Variants in ARFGEF3 observed in about 807,000 individuals in gnomAD.
ARFGEF3 encodes ARFGEF family member 3, also known as brefeldin A-inhibited guanine nucleotide-exchange protein 3.
Under a neutral mutation model 221.7 loss-of-function variants are expected in ARFGEF3, and 96 were observed. The observed-to-expected ratio is 0.43, with a 90% confidence interval of 0.37 to 0.51. The LOEUF (loss-of-function observed/expected upper bound fraction) is 0.51, where lower values mean the gene tolerates loss of function less well. Among genes scored for constraint, ARFGEF3 ranks in the 20% least tolerant of loss-of-function variants. The pLI is 0.00. For missense variants in ARFGEF3, 2,410 were observed against 2,789.9 expected (o/e 0.86, Z 3.07); for synonymous variants, 1,145 against 1,126.8 (o/e 1.02, Z -0.32).
chr6:138,335,102 C>T lies in ARFGEF3; in HGVS notation c.6256C>T (p.Leu2086=). 6.2e-7 allele frequency: 1 copy of T among 1,601,650 alleles called. No homozygotes were observed. Among genetic ancestry groups the T allele is most frequent in the Admixed American group, 1.7e-5 (1 of 58,286 alleles). ...GCATTCCTTCAGCGCAGGCCCCGAG[C>T]TGCTGCGACAGGACAAGAGGCCCCG... ...MRHSFSAGPE[L]LRQDKRPRSG... Residue 2086 remains leucine (L), a synonymous_variant, in exon 33 of 34, where the codon CTG becomes TTG. Transcript: ENST00000251691.
At chr6:138,234,701 C>T (rs1778252308) in intron 5 of ARFGEF3, among the ~76,000 whole-genome samples, 1 of 152,090 alleles carries the variant, frequency 6.6e-6, no homozygotes, top group Non-Finnish European at 1.5e-5. Context: ...TATAGTCTTC[C>T]CTACATAGAA....
At chr6:138,332,438 T>A (rs1192221213) in intron 32 of ARFGEF3, among the ~76,000 whole-genome samples, 1 of 152,192 alleles carries the variant, frequency 6.6e-6, no homozygotes, top group Non-Finnish European at 1.5e-5. Context: ...CCCTTGAGGA[T>A]GTTATAGCTA....
At chr6:138,229,699 G>A in intron 4 of ARFGEF3, 85 bp from the exon 5 acceptor site, 1 of 998,080 alleles carries the variant, frequency 1.0e-6, no homozygotes, top group Non-Finnish European at 1.6e-6. Flanking sequence ...ATAAAAACAG[G>A]ACTGCACAAA....
rs1562377206 is a variant in ARFGEF3 at position 138,278,368 on chromosome 6, C to T, written c.2129-83C>T. 1.0e-5 allele frequency: 13 copies of T among 1,260,520 alleles called. No homozygotes were observed. In the East Asian group the frequency reaches 1.9e-4, roughly 18 times the overall value. The allele number at this position is 1,260,520 out of a possible 1,614,324, so 78.1% of individuals were successfully genotyped here. A position where few individuals can be genotyped will look rare whatever the true frequency, so the allele number is the denominator to read the frequency against. On this transcript the variant is annotated intron_variant, in intron 12 of 33. Coordinates refer to ENST00000251691, the MANE Select transcript of ARFGEF3 (RefSeq NM_020340.5). Reference sequence around the variant, plus strand: ...TATCCTATTGATGCAGTATCTCTCACGATGGGTTCGCAGCTCTCTGGAAGC... The same window carrying T: ...TATCCTATTGATGCAGTATCTCTCATGATGGGTTCGCAGCTCTCTGGAAGC...
At chr6:138,245,896 G>A (rs1187423067) in intron 8 of ARFGEF3, among the ~76,000 whole-genome samples, 1 of 152,130 alleles carries the variant, frequency 6.6e-6, no homozygotes, top group Admixed American at 6.5e-5. Flanking sequence ...CTGAGTGCTG[G>A]TTGGTATGAG....
Position 138,291,851 on chromosome 6 carries a change from C to A in ARFGEF3, c.3166C>A (p.Pro1056Thr). 2 of 1,501,960 alleles carry A rather than the reference C, an allele frequency of 1.3e-6. No individual in the cohort carries two copies. The highest frequency in any genetic ancestry group is 2.7e-5 in the East Asian group (1 of 37,406). 93.0% of individuals were successfully genotyped at this position (1,501,960 alleles called of 1,614,324 possible). Residue 1056 changes from proline (P) to threonine (T), a missense_variant, in exon 19 of 34, where the codon CCC (proline) becomes ACC (threonine). This residue lies in a region of ARFGEF3 where 184 missense variants were observed against 141.8 expected (regional missense o/e 1.30). Coordinates refer to ENST00000251691, the MANE Select transcript of ARFGEF3 (RefSeq NM_020340.5). This position sits in a 1 kb window ranked among gnomAD's most constrained non-coding sequence, Gnocchi z 4.5. ...ATGSAGLLGDPECEGSPPEHS... is the reference protein window; with the variant it reads ...ATGSAGLLGDTECEGSPPEHS... ...TGGAAGCGCTGGCCTCCTTGGGGAC[C>A]CCGAGTGTGAGGGCTCGCCCCCCGA... is the stretch of plus-strand genomic sequence containing the variant.
intron 22 of ARFGEF3, 116 bp from the exon 23 acceptor site, chr6:138,307,137 T>A (rs913987611): frequency 1.9e-6 from 2 of 1,062,740 alleles, no homozygotes; most frequent in Non-Finnish European, 2.7e-6. Flanking sequence ...TTCTGGTTTT[T>A]CCTTTTCACT....
chr6:138,264,972 C>T (rs186051521), intron 12 of ARFGEF3, among the ~76,000 whole-genome samples: 1,502 of 149,944 alleles, frequency 0.01, 32 homozygotes, highest in African/African-American at 0.034. Context: ...GGTGCAATCT[C>T]GGCTCACTGC....
intron 9 of ARFGEF3, among the ~76,000 whole-genome samples, chr6:138,254,478 T>G (rs1778639008): frequency 6.6e-6 from 1 of 150,850 alleles, no homozygotes. Context: ...TGGCTCACGC[T>G]CCCTGCACTT....
At chr6:138,288,955 AT>A (rs5880381) in intron 17 of ARFGEF3, among the ~76,000 whole-genome samples, 5 of 150,274 alleles carry the variant, frequency 3.3e-5, no homozygotes, top group Non-Finnish European at 7.4e-5. Context: ...GTCATCTACA[AT>A]TTTTTTTTTC....
chr6:138,311,721 T>G (rs879671642), intron 25 of ARFGEF3, among the ~76,000 whole-genome samples: 1 of 152,192 alleles, frequency 6.6e-6, no homozygotes, highest in Non-Finnish European at 1.5e-5. Flanking sequence ...CACAATTGGA[T>G]GCTGAGGTCT....
intron 4 of ARFGEF3, among the ~76,000 whole-genome samples, chr6:138,227,230 C>A (rs754056229): frequency 5.9e-5 from 9 of 152,114 alleles, no homozygotes; most frequent in Non-Finnish European, 1.3e-4. Context: ...CTGGGCTTCC[C>A]TGAAACACAG....
chr6:138,255,824 T>G, intron 10 of ARFGEF3, 55 bp downstream of exon 10: 1 of 1,392,862 alleles, frequency 7.2e-7, no homozygotes, highest in Non-Finnish European at 9.5e-7. Context: ...GACCAGCGTT[T>G]CGCATACAAG....
At chr6:138,235,325 T>C (rs1477599038) in intron 5 of ARFGEF3, among the ~76,000 whole-genome samples, 1 of 152,244 alleles carries the variant, frequency 6.6e-6, no homozygotes, top group African/African-American at 2.4e-5. Flanking sequence ...CTCACTGCCC[T>C]GCATCTTTGT....
chr6:138,179,243 A>T (rs1029962039), intron 2 of ARFGEF3, among the ~76,000 whole-genome samples: 1 of 152,196 alleles, frequency 6.6e-6, no homozygotes, highest in Non-Finnish European at 1.5e-5. Flanking sequence ...CAGATGAAAT[A>T]AAACTGTCAA....
At chr6:138,297,311 T>C (rs1779541839) in intron 21 of ARFGEF3, among the ~76,000 whole-genome samples, 1 of 152,226 alleles carries the variant, frequency 6.6e-6, no homozygotes, top group South Asian at 2.1e-4. Context: ...ATGTCTTTGG[T>C]TCCTACCAGT....
chr6:138,295,572 G>A (rs1417360526), intron 20 of ARFGEF3, among the ~76,000 whole-genome samples: 1 of 151,160 alleles, frequency 6.6e-6, no homozygotes, highest in Admixed American at 6.6e-5. Flanking sequence ...GGAGGTTGCA[G>A]TGAGCTGAGA....
intron 25 of ARFGEF3, among the ~76,000 whole-genome samples, chr6:138,312,472 C>T (rs1347843107): frequency 3.3e-5 from 5 of 152,078 alleles, no homozygotes; most frequent in Non-Finnish European, 7.3e-5. Flanking sequence ...GACCCCTGCC[C>T]GGCTCCCTTT....
At chr6:138,319,638 C>G in intron 27 of ARFGEF3, 65 bp from the exon 28 acceptor site, 1 of 1,167,410 alleles carries the variant, frequency 8.6e-7, no homozygotes, top group Non-Finnish European at 1.2e-6. Context: ...ATCAACAATG[C>G]CAGGTGGAGG....
Sources: gnomAD v4.1 joint callset for allele counts (sites outside exome capture counted in the v4.1 genomes callset) on GRCh38, gnomAD v4.1.1 for gene constraint, gnomAD v4.1.1 regional missense constraint, Gnocchi (gnomAD v3.1) non-coding constraint, MANE v1.5 for transcripts, NCBI Gene and HGNC (gene_info 2026-07-23, HGNC 2026-07-21) for gene names.